Variants in ZMYM2 observed in about 807,000 individuals in gnomAD.
ZMYM2 encodes the protein zinc finger MYM-type protein 2.
Under a neutral mutation model 162.8 loss-of-function variants are expected in ZMYM2, and 56 were observed. The ratio of observed to expected loss-of-function variants is 0.34; its 90% CI spans 0.28 to 0.43. The LOEUF is 0.43. Among genes scored for constraint, ZMYM2 ranks in the 20% least tolerant of loss-of-function variants. The probability of loss-of-function intolerance (pLI) is 1.00; values close to 1 mark genes in which losing one functional copy is unlikely to be tolerated. For synonymous variants in ZMYM2, 510 were observed against 541.6 expected, an observed-to-expected ratio of 0.94 and a Z score of 0.81; for missense variants, 1,275 against 1,621.8, an observed-to-expected ratio of 0.79 and a Z score of 3.67.
intron 2 of ZMYM2, among the ~76,000 whole-genome samples, chr13:19,965,983 T>C (rs889565822): frequency 2.0e-5 from 3 of 152,036 alleles, no homozygotes; most frequent in Non-Finnish European, 2.9e-5. Context: ...TTTCACCGTG[T>C]TGGCCAGCTG....
At chr13:19,951,166 T>C in the ZMYM2 span, among the ~76,000 whole-genome samples, 2 of 152,142 alleles carry the variant, frequency 1.3e-5, no homozygotes, top group Non-Finnish European at 2.9e-5. Flanking sequence ...CTTGGTGGGC[T>C]ATGATGCCTG....
chr13:19,910,515 CCTTT>C, the ZMYM2 span, among the ~76,000 whole-genome samples: 23 of 151,564 alleles, frequency 1.5e-4, no homozygotes, highest in Admixed American at 3.3e-4. Context: ...TGTGGACACA[CCTTT>C]CTTTCTCTCT....
At chr13:20,079,316 C>CAAAAAAAAAAAA (rs1158594782) in intron 21 of ZMYM2, among the ~76,000 whole-genome samples, 3 of 23,162 alleles carry the variant, frequency 1.3e-4, no homozygotes, top group South Asian at 3.5e-3. Flanking sequence ...GACTCTGTCT[C>CAAAAAAAAAAAA]AAAAAAAAAA....
the ZMYM2 span, among the ~76,000 whole-genome samples, chr13:19,915,590 G>GC: frequency 1.7e-4 from 26 of 151,638 alleles, no homozygotes; most frequent in African/African-American, 4.8e-4. Context: ...AGCAACATCC[G>GC]CCCCCCGGGT....
At chr13:19,995,188 A>C (rs768526967) in intron 3 of ZMYM2, among the ~76,000 whole-genome samples, 1 of 151,828 alleles carries the variant, frequency 6.6e-6, no homozygotes, top group Non-Finnish European at 1.5e-5. Flanking sequence ...TATTTTTCTC[A>C]CATTTGAAGA....
intron 12 of ZMYM2, among the ~76,000 whole-genome samples, chr13:20,041,603 G>A (rs943275730): frequency 6.6e-6 from 1 of 152,108 alleles, no homozygotes. Context: ...ATGTTAGCTG[G>A]TTATTTTGCA....
At chr13:19,983,773 C>T (rs577036327) in intron 2 of ZMYM2, among the ~76,000 whole-genome samples, 1 of 151,980 alleles carries the variant, frequency 6.6e-6, no homozygotes, top group South Asian at 2.1e-4. Flanking sequence ...GGACCACAGG[C>T]GTGCATCACT....
At chr13:20,016,805 T>C (rs1327883665) in intron 6 of ZMYM2, among the ~76,000 whole-genome samples, 2 of 152,232 alleles carry the variant, frequency 1.3e-5, no homozygotes, top group Admixed American at 1.3e-4. Context: ...ATAAAGTGTC[T>C]TATTGTGTGT....
chr13:19,871,471 G>C, the ZMYM2 span, among the ~76,000 whole-genome samples: 1 of 151,704 alleles, frequency 6.6e-6, no homozygotes, highest in African/African-American at 2.4e-5. Context: ...GCCCAGGCTG[G>C]AGTACAGTAG....
At chr13:19,912,952 T>C in the ZMYM2 span, among the ~76,000 whole-genome samples, 1,719 of 152,246 alleles carry the variant, frequency 0.011, 30 homozygotes, top group African/African-American at 0.033. Context: ...TTGGAGGCAA[T>C]ATCTTTTGCA....
At chr13:19,973,393 G>A (rs559690095) in intron 2 of ZMYM2, among the ~76,000 whole-genome samples, 344 of 152,062 alleles carry the variant, frequency 2.3e-3, no homozygotes, top group Non-Finnish European at 4.1e-3. Flanking sequence ...TAGAGGGGCC[G>A]GGCGTGGTGG....
intron 7 of ZMYM2, among the ~76,000 whole-genome samples, chr13:20,021,493 G>A (rs545394674): frequency 6.6e-6 from 1 of 151,860 alleles, no homozygotes; most frequent in South Asian, 2.1e-4. Context: ...CTTTGTTCTG[G>A]CATCCTGTCA....
chr13:20,011,771 A>G (rs1951212456), intron 6 of ZMYM2, among the ~76,000 whole-genome samples: 1 of 147,782 alleles, frequency 6.8e-6, no homozygotes, highest in Non-Finnish European at 1.5e-5. Flanking sequence ...CTTTTTTGAG[A>G]TGGAGTCTTG....
intron 6 of ZMYM2, among the ~76,000 whole-genome samples, chr13:20,014,161 C>G (rs545401429): frequency 6.6e-6 from 1 of 152,202 alleles, no homozygotes; most frequent in South Asian, 2.1e-4. Flanking sequence ...GCAACCCCCG[C>G]CTCCCGGGTT....
chr13:20,006,409 T>C lies in ZMYM2; in HGVS notation c.1335T>C (p.His445=). 1 of 1,601,408 alleles carries C rather than the reference T, an allele frequency of 6.2e-7. No individual in the cohort carries two copies. Among genetic ancestry groups the C allele is most frequent in the East Asian group, 2.2e-5 (1 of 44,644 alleles). Residue 445 remains histidine, a synonymous_variant, in exon 6 of 25, where the codon CAT becomes CAC. Transcript: ENST00000610343. ...RHEVSFKNMT[H]KLCSDHCFNR... The stretch of plus-strand genomic sequence containing the variant: ...AAGTCAGCTTTAAAAATATGACTCA[T>C]AAGCTGTGCAGTGACCACTGCTTTA...
the ZMYM2 span, among the ~76,000 whole-genome samples, chr13:19,896,856 C>T: frequency 6.6e-6 from 1 of 150,810 alleles, no homozygotes; most frequent in Non-Finnish European, 1.5e-5. Flanking sequence ...GGGTGGATCA[C>T]CTCATCAGGA....
chr13:20,058,899 CTG>C (rs1279146836), intron 15 of ZMYM2, 195 bp downstream of exon 15: 2 of 775,782 alleles, frequency 2.6e-6, no homozygotes, highest in Admixed American at 3.9e-5. Context: ...TGATCAATCT[CTG>C]ATAAAGGCCT....
At chr13:19,884,665 T>C in the ZMYM2 span, among the ~76,000 whole-genome samples, 1 of 152,030 alleles carries the variant, frequency 6.6e-6, no homozygotes, top group Non-Finnish European at 1.5e-5. Flanking sequence ...TGTGCCATAG[T>C]TCTTAAAAGT....
chr13:19,997,982 G>A (rs1950141885), intron 3 of ZMYM2, among the ~76,000 whole-genome samples: 1 of 152,068 alleles, frequency 6.6e-6, no homozygotes, highest in Non-Finnish European at 1.5e-5. Flanking sequence ...TACTTCTTTA[G>A]GAATATTGCT....
Sources: allele counts gnomAD v4.1 joint callset (sites outside exome capture counted in the v4.1 genomes callset), GRCh38; gene constraint gnomAD v4.1.1; transcripts MANE v1.5; gene names NCBI Gene and HGNC (gene_info 2026-07-23, HGNC 2026-07-21).